Variants in TXK observed in about 807,000 individuals in gnomAD.
The protein encoded by TXK is TXK tyrosine kinase, also known as tyrosine-protein kinase TXK.
In TXK, 60 loss-of-function variants were observed where a neutral mutation model predicts 81.0. The ratio of observed to expected loss-of-function variants is 0.74; its 90% CI spans 0.60 to 0.92. TXK has a LOEUF of 0.92. Among genes scored for constraint, TXK ranks in the 40% least tolerant of loss-of-function variants. TXK has a pLI of 0.00. For missense variants in TXK, 581 were observed against 638.3 expected (o/e 0.91, Z 0.97); for synonymous variants, 203 against 210.7 (o/e 0.96, Z 0.32).
At chr4:48,126,570 G>A (rs1297268704) in intron 1 of TXK, among the ~76,000 whole-genome samples, 6 of 152,032 alleles carry the variant, frequency 3.9e-5, no homozygotes, top group South Asian at 2.1e-4. Flanking sequence ...GCATGATCTC[G>A]GCTCACTGCA....
intron 1 of TXK, 23 bp downstream of exon 1, chr4:48,134,132 A>C (rs1242903933): frequency 6.2e-7 from 1 of 1,612,580 alleles, no homozygotes; most frequent in Admixed American, 1.7e-5. Flanking sequence ...CCAAAAATAA[A>C]TGACAAAGCC....
In TXK at chr4:48,086,459, T is replaced by C. The variant is rs373929547; in HGVS notation, c.956+7A>G. 1 of 1,613,854 alleles carries C rather than the reference T, an allele frequency of 6.2e-7. No individual in the cohort carries two copies. Among genetic ancestry groups the C allele is most frequent in the Non-Finnish European group, 8.5e-7 (1 of 1,179,884 alleles). Reference sequence around the variant, plus strand: ...ATGATATTTATCAGGGTGTTGTTTATACGTACATCATCACTTTGGCCTCTT... The same window carrying C: ...ATGATATTTATCAGGGTGTTGTTTACACGTACATCATCACTTTGGCCTCTT... On this transcript the variant is annotated splice_region_variant and intron_variant, in intron 10 of 14. Coordinates refer to ENST00000264316, the MANE Select transcript of TXK (RefSeq NM_003328.3).
At position 48,067,658 on chromosome 4, in the gene TXK, T is replaced by C. The variant is rs1560335243; in HGVS notation, c.1563A>G (p.Thr521=). The C allele has an allele frequency of 3.7e-6, 6 of 1,613,810 alleles. No homozygotes were observed. The highest frequency in any genetic ancestry group is 1.7e-5 in the Admixed American group (1 of 60,008). ...CCGGTCACCAGGTTTCCGCAATCTC[T>C]GTGACAGCCCGCAGCAGCTCGGCAA... ...PTFAELLRAV[T]EIAETW Residue 521 remains threonine (T), a synonymous_variant, in exon 15 of 15, where the codon ACA becomes ACG. Coordinates refer to ENST00000264316, the MANE Select transcript of TXK (RefSeq NM_003328.3).
intron 4 of TXK, 54 bp downstream of exon 4, chr4:48,112,253 G>A (rs1718655079): frequency 2.0e-6 from 3 of 1,531,946 alleles, no homozygotes; most frequent in Non-Finnish European, 2.7e-6. Flanking sequence ...TCACTAAGTA[G>A]TCTTCTTTGT....
intron 1 of TXK, among the ~76,000 whole-genome samples, chr4:48,128,136 T>C (rs866481264): frequency 1.3e-5 from 2 of 152,236 alleles, no homozygotes; most frequent in Admixed American, 1.3e-4. Context: ...CTCCAGTTCA[T>C]CCCCTGGCAT....
chr4:48,107,119 G>A (rs1260103578), intron 5 of TXK, among the ~76,000 whole-genome samples: 1 of 151,120 alleles, frequency 6.6e-6, no homozygotes, highest in Admixed American at 6.6e-5. Context: ...TTAATTAACT[G>A]AGCTTATAAA....
At chr4:48,108,469 G>A (rs754781402) in intron 5 of TXK, among the ~76,000 whole-genome samples, 5 of 152,220 alleles carry the variant, frequency 3.3e-5, no homozygotes, top group Non-Finnish European at 7.3e-5. Flanking sequence ...CAAAGCACTA[G>A]TCAGTGCTGA....
At position 48,094,084 on chromosome 4, in the gene TXK, A is replaced by G. The variant is rs73151620; in HGVS notation, c.702T>C (p.Asn234=). Reference sequence around the variant, plus strand: ...TGGAAGTTCCCCTCTTACCGGCTGCATTGTGCTGGTGATACCAGATTAACT... The same window carrying G: ...TGGAAGTTCCCCTCTTACCGGCTGCGTTGTGCTGGTGATACCAGATTAACT... ...IPELIWYHQH[N]AAGLMTRLRY... is the part of the protein sequence containing the mutation. The change falls in exon 8 of 15, where the codon AAT becomes AAC. Residue 234 remains asparagine (N), a synonymous_variant. Coordinates refer to ENST00000264316, the MANE Select transcript of TXK (RefSeq NM_003328.3). 6.6e-3 allele frequency: 10,632 copies of G among 1,613,352 alleles called. 646 individuals are homozygous for G. In the African/African-American group the frequency reaches 0.13, roughly 20 times the overall value.
intron 6 of TXK, among the ~76,000 whole-genome samples, chr4:48,100,244 T>C (rs2109445974): frequency 6.7e-6 from 1 of 149,812 alleles, no homozygotes; most frequent in South Asian, 2.1e-4. Context: ...AGAATTTTAA[T>C]AGTCTTCAGG....
chr4:48,080,662 T>TCACACACACACACACACA (rs57819050), intron 10 of TXK, among the ~76,000 whole-genome samples: 4 of 144,476 alleles, frequency 2.8e-5, no homozygotes, highest in Non-Finnish European at 4.5e-5. Context: ...TATTTGGTAA[T>TCACACACACACACACACA]CACACACACA....
intron 5 of TXK, among the ~76,000 whole-genome samples, chr4:48,106,708 G>A (rs1478341938): frequency 6.6e-6 from 1 of 152,092 alleles, no homozygotes; most frequent in Admixed American, 6.5e-5. Flanking sequence ...CTTTCTAACT[G>A]TGAGAAGATT....
At chr4:48,085,890 A>G (rs1293019379) in intron 10 of TXK, among the ~76,000 whole-genome samples, 1 of 152,154 alleles carries the variant, frequency 6.6e-6, no homozygotes, top group Non-Finnish European at 1.5e-5. Flanking sequence ...CCATCCTTCA[A>G]GTCCGTGTGA....
At chr4:48,095,439 T>C (rs1490804802) in intron 6 of TXK, among the ~76,000 whole-genome samples, 2 of 152,234 alleles carry the variant, frequency 1.3e-5, no homozygotes, top group South Asian at 4.1e-4. Context: ...AATTGGGACA[T>C]GCATTTATAA....
chr4:48,113,754 C>T (rs1718715978), intron 2 of TXK, among the ~76,000 whole-genome samples: 1 of 151,990 alleles, frequency 6.6e-6, no homozygotes, highest in Non-Finnish European at 1.5e-5. Flanking sequence ...CATAGTGTGG[C>T]CTTGGGTAAG....
intron 1 of TXK, among the ~76,000 whole-genome samples, chr4:48,119,927 A>G (rs893101611): frequency 2.6e-5 from 4 of 152,160 alleles, no homozygotes; most frequent in African/African-American, 9.7e-5. Flanking sequence ...GGTTACATAA[A>G]TGAATGAAGT....
At chr4:48,079,454 G>A (rs902945993) in intron 11 of TXK, among the ~76,000 whole-genome samples, 7 of 152,014 alleles carry the variant, frequency 4.6e-5, no homozygotes, top group African/African-American at 1.7e-4. Context: ...CCCCCACCCA[G>A]GAACTGACTC....
chr4:48,085,688 C>A (rs569985732), intron 10 of TXK, among the ~76,000 whole-genome samples: 83 of 152,210 alleles, frequency 5.5e-4, no homozygotes, highest in Admixed American at 8.5e-4. Context: ...CAGAGCAGTG[C>A]AGCAGAGAAG....
At chr4:48,125,538 ACTCT>A (rs940844917) in intron 1 of TXK, among the ~76,000 whole-genome samples, 1 of 151,662 alleles carries the variant, frequency 6.6e-6, no homozygotes, top group African/African-American at 2.4e-5. Flanking sequence ...ACTCCAGGAG[ACTCT>A]CTCTCCCTGC....
At chr4:48,088,119 G>A (rs1365762056) in intron 9 of TXK, among the ~76,000 whole-genome samples, 1 of 152,036 alleles carries the variant, frequency 6.6e-6, no homozygotes, top group African/African-American at 2.4e-5. Flanking sequence ...GAGATACTAC[G>A]ACACACCAGA....
Sources: gnomAD v4.1 joint callset for allele counts (sites outside exome capture counted in the v4.1 genomes callset) on GRCh38, gnomAD v4.1.1 for gene constraint, MANE v1.5 for transcripts, NCBI Gene and HGNC (gene_info 2026-07-23, HGNC 2026-07-21) for gene names.